The following PRKAG2 variants were observed in gnomAD, a reference collection of about 807,000 sequenced individuals.
The protein encoded by PRKAG2 is protein kinase AMP-activated non-catalytic subunit gamma 2, also known as 5'-AMP-activated protein kinase subunit gamma-2.
PRKAG2 carries 26 observed loss-of-function variants against 69.6 expected under a neutral mutation model. The observed-to-expected ratio is 0.37, with a 90% CI of 0.27 to 0.52. The LOEUF (loss-of-function observed/expected upper bound fraction) is 0.52, where lower values mean the gene tolerates loss of function less well. PRKAG2 is among the 20% of genes least tolerant of loss of function. The pLI is 0.90. For missense variants in PRKAG2, 557 were observed against 740.0 expected (o/e 0.75, Z 2.87); for synonymous variants, 293 against 285.0 (o/e 1.03, Z -0.28).
At chr7:151,783,710 C>T (rs755457829) in intron 2 of PRKAG2, among the ~76,000 whole-genome samples, 1 of 151,522 alleles carries the variant, frequency 6.6e-6, no homozygotes, top group Non-Finnish European at 1.5e-5. Flanking sequence ...CACCTGAGCT[C>T]GACCAGCCTG....
chr7:151,806,749 T>G, intron 1 of PRKAG2: 1 of 327,230 alleles, frequency 3.1e-6, no homozygotes, highest in Non-Finnish European at 5.9e-6. Context: ...GCAGACCACC[T>G]GAGCTCAGGA....
intron 3 of PRKAG2, among the ~76,000 whole-genome samples, chr7:151,686,252 C>T (rs1261622673): frequency 1.3e-5 from 2 of 152,170 alleles, no homozygotes; most frequent in East Asian, 1.9e-4. Flanking sequence ...CCAGGTGACG[C>T]GGGTGGTTGG....
intron 6 of PRKAG2, among the ~76,000 whole-genome samples, chr7:151,593,290 C>T (rs1164869275): frequency 5.3e-5 from 8 of 152,180 alleles, no homozygotes; most frequent in Admixed American, 1.3e-4. Flanking sequence ...TGGGTTGAAG[C>T]GACCCTCCCG....
intron 3 of PRKAG2, among the ~76,000 whole-genome samples, chr7:151,717,116 G>A (rs781140823): frequency 6.6e-6 from 1 of 152,004 alleles, no homozygotes; most frequent in African/African-American, 2.4e-5. Context: ...GTTGGGTGAC[G>A]CATGCCTGTA....
chr7:151,607,446 AT>A (rs111970706), intron 5 of PRKAG2, among the ~76,000 whole-genome samples: 141 of 145,720 alleles, frequency 9.7e-4, no homozygotes, highest in East Asian at 8.8e-3. Context: ...TTTATTCTGT[AT>A]TTTTTTTTTT....
At chr7:151,801,868 A>C (rs893134608) in intron 1 of PRKAG2, among the ~76,000 whole-genome samples, 1 of 152,202 alleles carries the variant, frequency 6.6e-6, no homozygotes, top group Admixed American at 6.5e-5. Context: ...AAAAGCAAAA[A>C]GCCTGCATCG....
chr7:151,682,973 G>T (rs1834110597), intron 3 of PRKAG2, among the ~76,000 whole-genome samples: 1 of 152,236 alleles, frequency 6.6e-6, no homozygotes, highest in Admixed American at 6.5e-5. Flanking sequence ...TCTGGCCAAA[G>T]GACAGACAGG....
chr7:151,647,459 A>G (rs1339494174), intron 4 of PRKAG2, among the ~76,000 whole-genome samples: 3 of 152,268 alleles, frequency 2.0e-5, no homozygotes, highest in African/African-American at 7.2e-5. Context: ...AAAAAATTAC[A>G]AAGTAATTTA....
chr7:151,835,077 G>T lies in PRKAG2; in HGVS notation c.114+41430C>A, dbSNP rs1037798510. Among the ~76,000 whole-genome samples the T allele has an allele frequency of 6.6e-6, 1 of 152,168 alleles. No homozygotes were observed. Among genetic ancestry groups the T allele is most frequent in the Non-Finnish European group, 1.5e-5 (1 of 68,026 alleles). On this transcript the variant is annotated intron_variant, in intron 1 of 15. Transcript: ENST00000287878. The surrounding 1 kb of genome is among the most constrained non-coding windows in gnomAD (Gnocchi z 4.1). ...AAAAGGGCCAGCCTGCTCCAATGTGGCCTCATCAAAACTCATCACATCGGA... is the reference window on the plus strand; with the variant it reads ...AAAAGGGCCAGCCTGCTCCAATGTGTCCTCATCAAAACTCATCACATCGGA...
At chr7:151,582,609 C>G (rs546376365) in intron 6 of PRKAG2, among the ~76,000 whole-genome samples, 1 of 152,338 alleles carries the variant, frequency 6.6e-6, no homozygotes, top group African/African-American at 2.4e-5. Context: ...AAGAGGCCAT[C>G]CCACTTCTTG....
rs1417541604 is a variant in PRKAG2 at position 151,835,520 on chromosome 7, CTT to C, written c.114+40985_114+40986del. 1.3e-5 allele frequency among the ~76,000 whole-genome samples: 2 copies of C among 152,098 alleles called. No individual in the cohort carries two copies. The highest frequency in any genetic ancestry group is 2.4e-5 in the African/African-American group (1 of 41,420). ...CCTTAGAAAGTTTTCAGAAATTGCTCTTGTCTGCCTGCTTACCCTTCCGAGGC... is the reference window on the plus strand; with the variant it reads ...CCTTAGAAAGTTTTCAGAAATTGCTCGTCTGCCTGCTTACCCTTCCGAGGC... On this transcript the variant is annotated intron_variant, in intron 1 of 15. Transcript: ENST00000287878. The surrounding 1 kb of genome is among the most constrained non-coding windows in gnomAD (Gnocchi z 4.1).
intron 4 of PRKAG2, among the ~76,000 whole-genome samples, chr7:151,659,640 T>C (rs1001752393): frequency 6.6e-6 from 1 of 152,210 alleles, no homozygotes; most frequent in African/African-American, 2.4e-5. Flanking sequence ...TTTCCTTTAA[T>C]TGCCCATTTG....
At chr7:151,723,030 C>T (rs1351213494) in intron 3 of PRKAG2, among the ~76,000 whole-genome samples, 1 of 152,186 alleles carries the variant, frequency 6.6e-6, no homozygotes, top group Non-Finnish European at 1.5e-5. Flanking sequence ...CTCCCCTCCA[C>T]CGCAGGAGAA....
At chr7:151,679,444 T>G (rs964597956) in intron 3 of PRKAG2, among the ~76,000 whole-genome samples, 1 of 152,130 alleles carries the variant, frequency 6.6e-6, no homozygotes, top group African/African-American at 2.4e-5. Flanking sequence ...GAGGGAATGT[T>G]CTCATCCTCC....
chr7:151,632,060 C>A lies in PRKAG2; in HGVS notation c.754+9G>T. On this transcript the variant is annotated intron_variant, in intron 5 of 15. Coordinates refer to ENST00000287878, the MANE Select transcript of PRKAG2 (RefSeq NM_016203.4). The surrounding 1 kb of genome is among the most constrained non-coding windows in gnomAD (Gnocchi z 4.2). ...AGCGCCGGGCCGGCAGCGGGCGGGG[C>A]GCACTCACCTTCGTCCTCGAACTCC... is the stretch of plus-strand genomic sequence containing the variant. 7.2e-6 allele frequency: 10 copies of A among 1,381,894 alleles called. No homozygotes were observed. The highest frequency in any genetic ancestry group is 9.5e-6 in the Non-Finnish European group (10 of 1,053,688). 85.6% of individuals were successfully genotyped at this position (1,381,894 alleles called of 1,614,324 possible).
intron 3 of PRKAG2, among the ~76,000 whole-genome samples, chr7:151,734,848 C>CTTT (rs35008070): frequency 0.033 from 2,987 of 90,054 alleles, 163 homozygotes; most frequent in African/African-American, 0.091. Flanking sequence ...AAATCTGATT[C>CTTT]TTTTTTTTTT....
chr7:151,644,347 T>A (rs1276806587), intron 4 of PRKAG2, among the ~76,000 whole-genome samples: 1 of 152,194 alleles, frequency 6.6e-6, no homozygotes, highest in Non-Finnish European at 1.5e-5. Flanking sequence ...TCCTTTGTGG[T>A]TCACCCCTTC....
rs375458639 is a variant in PRKAG2, at chr7:151,618,978, C to T, written c.754+13091G>A. Among the ~76,000 whole-genome samples the T allele has an allele frequency of 7.2e-5, 11 of 152,034 alleles. No individual in the cohort carries two copies. The East Asian group carries it at 7.7e-4, about 11-fold the overall frequency. On this transcript the variant is annotated intron_variant, in intron 5 of 15. Coordinates refer to ENST00000287878, the MANE Select transcript of PRKAG2 (RefSeq NM_016203.4). ...GTGTACACGGGCGAGAAAATGCACACACTCTTCTAAATAAGGGGGCAGTAA... is the reference window on the plus strand; with the variant it reads ...GTGTACACGGGCGAGAAAATGCACATACTCTTCTAAATAAGGGGGCAGTAA...
intron 3 of PRKAG2, among the ~76,000 whole-genome samples, chr7:151,769,394 T>TA (rs1238462275): frequency 6.6e-6 from 1 of 152,164 alleles, no homozygotes; most frequent in Non-Finnish European, 1.5e-5. Context: ...GGTGGGCTCT[T>TA]AATCTCCTTT....
Sources: allele counts gnomAD v4.1 joint callset (sites outside exome capture counted in the v4.1 genomes callset), GRCh38; gene constraint gnomAD v4.1.1; non-coding constraint Gnocchi (gnomAD v3.1); transcripts MANE v1.5; gene names NCBI Gene and HGNC (gene_info 2026-07-23, HGNC 2026-07-21).